ANXA8: variants seen among roughly 807,000 people sequenced by gnomAD.
ANXA8 encodes the protein VAC-beta.
In ANXA8, 9 loss-of-function variants were observed where a neutral mutation model predicts 26.8. That is an observed-to-expected ratio of 0.34 (90% CI 0.20 to 0.59). The LOEUF (loss-of-function observed/expected upper bound fraction) is 0.59, where lower values mean the gene tolerates loss of function less well. Among genes scored for constraint, ANXA8 ranks in the 20% least tolerant of loss-of-function variants. ANXA8 has a pLI of 0.84. For synonymous variants in ANXA8, 39 were observed against 94.8 expected (o/e 0.41, Z 3.42); for missense variants, 83 against 238.5 (o/e 0.35, Z 4.29).
the ANXA8 span, among the ~76,000 whole-genome samples, chr10:47,513,486 C>T: frequency 0.035 from 4,959 of 141,814 alleles, 771 homozygotes; most frequent in African/African-American, 0.12. Context: ...AAATTCAATG[C>T]AACTCCCATC....
At chr10:47,495,858 T>C in the ANXA8 span, among the ~76,000 whole-genome samples, 2 of 151,502 alleles carry the variant, frequency 1.3e-5, no homozygotes, top group South Asian at 4.2e-4. Context: ...ATCTTCACTG[T>C]TGCCAGCAAC....
chr10:47,546,538 G>A, the ANXA8 span, among the ~76,000 whole-genome samples: 3 of 134,862 alleles, frequency 2.2e-5, no homozygotes, highest in Non-Finnish European at 4.8e-5. Flanking sequence ...GAGTAGCTGG[G>A]ACTACAGGCA....
the ANXA8 span, among the ~76,000 whole-genome samples, chr10:47,768,685 G>T: frequency 6.6e-6 from 1 of 151,652 alleles, no homozygotes; most frequent in Admixed American, 6.6e-5. Flanking sequence ...CTGCCCTCCA[G>T]CCCAGAGAGT....
chr10:47,567,628 C>G, the ANXA8 span, among the ~76,000 whole-genome samples: 2 of 151,892 alleles, frequency 1.3e-5, no homozygotes, highest in East Asian at 3.9e-4. Flanking sequence ...TGTCCCCACC[C>G]ACTCTTGTTC....
At chr10:47,503,260 A>C in the ANXA8 span, 1 of 1,549,994 alleles carries the variant, frequency 6.5e-7, no homozygotes, top group South Asian at 1.1e-5. Context: ...ACTTCGCTTT[A>C]AGAGCATGCC....
the ANXA8 span, among the ~76,000 whole-genome samples, chr10:47,574,813 C>CA: frequency 8.3e-4 from 27 of 32,460 alleles, no homozygotes; most frequent in Middle Eastern, 0.024. Context: ...TTACTGTAGC[C>CA]GTCAGTAGTA....
chr10:47,691,124 G>A, the ANXA8 span: 9 of 1,609,618 alleles, frequency 5.6e-6, no homozygotes, highest in South Asian at 6.6e-5. Flanking sequence ...TTTAGCAACA[G>A]TTACAGTAAG....
chr10:47,946,208 C>T, the ANXA8 span, among the ~76,000 whole-genome samples: 1 of 148,122 alleles, frequency 6.8e-6, no homozygotes, highest in Admixed American at 6.7e-5. Flanking sequence ...GCTATCCATC[C>T]TTCAACATTC....
At chr10:47,519,176 C>G in the ANXA8 span, among the ~76,000 whole-genome samples, 1 of 136,342 alleles carries the variant, frequency 7.3e-6, no homozygotes, top group Non-Finnish European at 1.5e-5. Flanking sequence ...ATTTAAAAGG[C>G]TGTGGTACTG....
Position 47,475,037 on chromosome 10 carries a change from G to A in ANXA8, c.493-33C>T, listed in dbSNP as rs1839471616. 4 of 1,533,026 alleles carry A rather than the reference G, an allele frequency of 2.6e-6. 1 individual carries two copies. Among genetic ancestry groups the A allele is most frequent in the Admixed American group, 1.8e-5 (1 of 56,090 alleles). The allele number at this position is 1,533,026 out of a possible 1,614,324, so 95.0% of individuals were successfully genotyped here. ...CAGAGGAGGTGGCTCTGTAAGGCAG[G>A]CCAGCTGACCAGAGCATTAAGGGCA... On this transcript the variant is annotated intron_variant, in intron 6 of 11. Coordinates refer to ENST00000585281, the MANE Select transcript of ANXA8 (RefSeq NM_001040084.3).
At chr10:47,733,197 CTTTCTTTCTTTCTTTCTTTCTTTCTCTT>C in the ANXA8 span, among the ~76,000 whole-genome samples, 1 of 109,726 alleles carries the variant, frequency 9.1e-6, no homozygotes, top group Non-Finnish European at 2.1e-5. Flanking sequence ...TTCTTTCTTT[CTTTCTTTCTTTCTTTCTTTCTTTCTCTT>C]TCTTTCTCTC....
the ANXA8 span, among the ~76,000 whole-genome samples, chr10:47,566,315 G>A: frequency 2.7e-5 from 4 of 148,874 alleles, no homozygotes; most frequent in African/African-American, 5.0e-5. Context: ...CTGATCCCCC[G>A]CCCCAGAAAA....
the ANXA8 span, among the ~76,000 whole-genome samples, chr10:47,949,712 A>T: frequency 6.7e-6 from 1 of 149,766 alleles, no homozygotes; most frequent in Non-Finnish European, 1.5e-5. Context: ...AGCTAATGAT[A>T]CATATTGTAT....
the ANXA8 span, among the ~76,000 whole-genome samples, chr10:47,686,893 G>A: frequency 6.6e-6 from 1 of 151,498 alleles, no homozygotes; most frequent in East Asian, 1.9e-4. Context: ...GGAGAAATGA[G>A]ATGTAAGAAA....
At chr10:47,707,182 AAACAAAAAAAAG>A in the ANXA8 span, among the ~76,000 whole-genome samples, 15 of 142,492 alleles carry the variant, frequency 1.1e-4, 1 homozygote, top group African/African-American at 3.7e-4. Context: ...AAACAAAAAA[AAACAAAAAAAAG>A]AGTAAACCAA....
the ANXA8 span, among the ~76,000 whole-genome samples, chr10:47,744,676 C>A: frequency 6.6e-6 from 1 of 151,888 alleles, no homozygotes; most frequent in East Asian, 1.9e-4. Flanking sequence ...CTAAATTCAA[C>A]CAAGAAATAT....
the ANXA8 span, among the ~76,000 whole-genome samples, chr10:47,552,752 G>A: frequency 6.6e-6 from 1 of 151,798 alleles, no homozygotes; most frequent in Non-Finnish European, 1.5e-5. Flanking sequence ...GAAAAAGCGG[G>A]GCAGGGTACC....
chr10:47,553,708 C>T, the ANXA8 span, among the ~76,000 whole-genome samples: 2 of 150,958 alleles, frequency 1.3e-5, no homozygotes, highest in Admixed American at 6.6e-5. Context: ...TTCAGCCCCA[C>T]CCCGCCCTCG....
the ANXA8 span, among the ~76,000 whole-genome samples, chr10:47,743,347 TATATATACACATATATATATATAC>T: frequency 3.2e-4 from 30 of 92,750 alleles, 2 homozygotes; most frequent in Admixed American, 8.6e-4. Context: ...TATACATATA[TATATATACACATATATATATATAC>T]ATATATATGT....
Sources: allele counts gnomAD v4.1 joint callset (sites outside exome capture counted in the v4.1 genomes callset), GRCh38; gene constraint gnomAD v4.1.1; transcripts MANE v1.5; gene names NCBI Gene and HGNC (gene_info 2026-07-23, HGNC 2026-07-21).